Variants in CLSTN2 observed in about 807,000 individuals in gnomAD.
CLSTN2 encodes the protein calsyntenin 2.
A neutral mutation model predicts 101.2 loss-of-function variants in CLSTN2; 48 were observed. The ratio of observed to expected loss-of-function variants is 0.47; its 90% CI spans 0.38 to 0.60. The LOEUF (loss-of-function observed/expected upper bound fraction) is 0.60, where lower values mean the gene tolerates loss of function less well. Ranked by LOEUF, CLSTN2 falls within the 20% of genes least tolerant of loss-of-function variation. CLSTN2 has a pLI of 0.00. For missense variants in CLSTN2, 1,160 were observed against 1,238.2 expected, an observed-to-expected ratio of 0.94 and a Z score of 0.95; for synonymous variants, 481 against 463.6, an observed-to-expected ratio of 1.04 and a Z score of -0.48.
intron 2 of CLSTN2, among the ~76,000 whole-genome samples, chr3:140,224,343 T>G (rs917396118): frequency 1.3e-5 from 2 of 152,192 alleles, no homozygotes; most frequent in African/African-American, 4.8e-5. Context: ...CAGAAAAAGT[T>G]TACAGTAATT....
chr3:140,492,647 G>C (rs529861246), intron 8 of CLSTN2, among the ~76,000 whole-genome samples: 1 of 152,302 alleles, frequency 6.6e-6, no homozygotes, highest in East Asian at 1.9e-4. Context: ...AAATTTGGAT[G>C]AATGAACATC....
intron 1 of CLSTN2, among the ~76,000 whole-genome samples, chr3:140,039,842 T>C (rs995894201): frequency 6.6e-6 from 1 of 152,232 alleles, no homozygotes; most frequent in Admixed American, 6.5e-5. Flanking sequence ...ATTAAATAAG[T>C]ATAAACAAAT....
At chr3:140,226,819 G>C (rs555791973) in intron 2 of CLSTN2, among the ~76,000 whole-genome samples, 1 of 152,262 alleles carries the variant, frequency 6.6e-6, no homozygotes, top group African/African-American at 2.4e-5. Flanking sequence ...GTCTTATATG[G>C]ATGGCAGCAA....
intron 2 of CLSTN2, among the ~76,000 whole-genome samples, chr3:140,258,187 C>T (rs376610210): frequency 1.2e-4 from 19 of 152,102 alleles, no homozygotes; most frequent in African/African-American, 4.3e-4. Context: ...GTGCTAACCT[C>T]CCTTTAGTAA....
At chr3:139,977,767 T>G (rs1935844898) in intron 1 of CLSTN2, among the ~76,000 whole-genome samples, 1 of 152,220 alleles carries the variant, frequency 6.6e-6, no homozygotes, top group Non-Finnish European at 1.5e-5. Context: ...GAAGAGCCAC[T>G]GCTTAGCATA....
At position 140,240,174 on chromosome 3, in the gene CLSTN2, CTATATATA is replaced by C. The variant is rs1226140178; in HGVS notation, c.232+64120_232+64127del. On this transcript the variant is annotated intron_variant, in intron 2 of 16. Transcript: ENST00000458420. ...TCTGTCTCTCTCTCTCTCTCTCTCTCTATATATATATATATATATATATATACACACAC... is the reference window on the plus strand; with the variant it reads ...TCTGTCTCTCTCTCTCTCTCTCTCTCTATATATATATATATATACACACAC... 1.6e-3 allele frequency among the ~76,000 whole-genome samples: 21 copies of C among 13,356 alleles called. 1 individual carries two copies. Among genetic ancestry groups the C allele is most frequent in the East Asian group, 0.028 (2 of 72 alleles). 8.8% of individuals were successfully genotyped at this position (13,356 alleles called of 152,430 possible). A position where few individuals can be genotyped will look rare whatever the true frequency, so the allele number is the denominator to read the frequency against.
intron 6 of CLSTN2, among the ~76,000 whole-genome samples, chr3:140,457,746 G>C (rs1933440733): frequency 6.6e-6 from 1 of 152,232 alleles, no homozygotes; most frequent in Non-Finnish European, 1.5e-5. Flanking sequence ...AGAGCACTGA[G>C]TGGCAATTAT....
At chr3:140,550,616 G>C (rs1362568596) in intron 10 of CLSTN2, among the ~76,000 whole-genome samples, 1 of 152,150 alleles carries the variant, frequency 6.6e-6, no homozygotes, top group Non-Finnish European at 1.5e-5. Flanking sequence ...GGCAGGCACA[G>C]TTTCAGGGTA....
chr3:140,217,751 A>G (rs2107850774), intron 2 of CLSTN2, among the ~76,000 whole-genome samples: 1 of 152,276 alleles, frequency 6.6e-6, no homozygotes, highest in South Asian at 2.1e-4. Context: ...GCAAAGGGGG[A>G]CATATTTGCC....
chr3:140,255,085 C>G (rs1049758473), intron 2 of CLSTN2, among the ~76,000 whole-genome samples: 1 of 152,186 alleles, frequency 6.6e-6, no homozygotes, highest in East Asian at 1.9e-4. Context: ...AAATATAAAT[C>G]AAAACCAGAA....
chr3:139,984,922 T>G (rs1935996311), intron 1 of CLSTN2, among the ~76,000 whole-genome samples: 1 of 152,220 alleles, frequency 6.6e-6, no homozygotes, highest in Non-Finnish European at 1.5e-5. Flanking sequence ...TGTTCCTTTT[T>G]GTATCTATAC....
chr3:140,084,300 A>G (rs745424663), intron 1 of CLSTN2, among the ~76,000 whole-genome samples: 5 of 152,222 alleles, frequency 3.3e-5, no homozygotes, highest in Non-Finnish European at 7.3e-5. Flanking sequence ...ATGTGACTAT[A>G]TGAAATAAGT....
At chr3:140,153,699 T>C (rs1263555682) in intron 1 of CLSTN2, among the ~76,000 whole-genome samples, 2 of 152,234 alleles carry the variant, frequency 1.3e-5, no homozygotes, top group East Asian at 3.8e-4. Flanking sequence ...TCAAATTCTC[T>C]TTGCACAATA....
At chr3:140,055,563 A>G (rs906685333) in intron 1 of CLSTN2, among the ~76,000 whole-genome samples, 1 of 152,230 alleles carries the variant, frequency 6.6e-6, no homozygotes, top group African/African-American at 2.4e-5. Context: ...TGTACATGCA[A>G]CAAGGAAATA....
chr3:140,224,035 T>C (rs1224695524), intron 2 of CLSTN2, among the ~76,000 whole-genome samples: 1 of 152,164 alleles, frequency 6.6e-6, no homozygotes, highest in Non-Finnish European at 1.5e-5. Context: ...AAATGGGATA[T>C]TTTGGTGAGG....
Position 140,240,182 on chromosome 3 carries a change from A to C in CLSTN2, c.232+64109A>C, listed in dbSNP as rs1320697644. Among the ~76,000 whole-genome samples, 139 of 9,160 alleles carry C rather than the reference A, an allele frequency of 0.015. 4 individuals carry two copies. The East Asian group carries it at 0.3, about 20-fold the overall frequency. 6.0% of individuals were successfully genotyped at this position (9,160 alleles called of 152,430 possible). ...TCTCTCTCTCTCTCTCTCTATATAT[A>C]TATATATATATATATATACACACAC... is the stretch of plus-strand genomic sequence containing the variant. On this transcript the variant is annotated intron_variant, in intron 2 of 16. Transcript: ENST00000458420.
At position 139,995,063 on chromosome 3, in the gene CLSTN2, G is replaced by A. The variant is rs546179410; in HGVS notation, c.109+59580G>A. On this transcript the variant is annotated intron_variant, in intron 1 of 16. Transcript: ENST00000458420. ...CTGTTCTGAGTTGTGGCTCTGGCTC[G>A]GAGTAGCTCTGGGGACAATTGGATC... Among the ~76,000 whole-genome samples, 9 of 152,266 alleles carry A rather than the reference G, an allele frequency of 5.9e-5. 1 individual carries two copies. The highest frequency in any genetic ancestry group is 1.9e-4 in the East Asian group (1 of 5,168).
At chr3:140,405,720 C>T (rs1237365327) in intron 4 of CLSTN2, among the ~76,000 whole-genome samples, 2 of 152,198 alleles carry the variant, frequency 1.3e-5, no homozygotes, top group African/African-American at 4.8e-5. Flanking sequence ...AACGCCACAA[C>T]CAGAGCCCCA....
chr3:140,046,413 A>C (rs1272531672), intron 1 of CLSTN2, among the ~76,000 whole-genome samples: 2 of 152,252 alleles, frequency 1.3e-5, no homozygotes, highest in Admixed American at 1.3e-4. Flanking sequence ...GTGTCTCTGC[A>C]CGTGAGATGG....
Sources: gnomAD v4.1 joint callset for allele counts (sites outside exome capture counted in the v4.1 genomes callset) on GRCh38, gnomAD v4.1.1 for gene constraint, MANE v1.5 for transcripts, NCBI Gene and HGNC (gene_info 2026-07-23, HGNC 2026-07-21) for gene names.